Variants in UBE3A observed in about 807,000 individuals in gnomAD.
UBE3A encodes the protein ubiquitin-protein ligase E3A.
In UBE3A, 6 loss-of-function variants were observed where a neutral mutation model predicts 83.4. The ratio of observed to expected loss-of-function variants is 0.07; its 90% CI spans 0.04 to 0.14. The LOEUF is 0.14. Ranked by LOEUF, UBE3A falls within the 10% of genes least tolerant of loss-of-function variation. UBE3A has a pLI of 1.00. For missense variants in UBE3A, 456 were observed against 1,036.1 expected (o/e 0.44, Z 7.69); for synonymous variants, 337 against 355.4 (o/e 0.95, Z 0.58).
chr15:25,408,466 G>GA lies in UBE3A; in HGVS notation c.20+621dup, dbSNP rs371259150. 80 of 1,076,476 alleles carry GA rather than the reference G, an allele frequency of 7.4e-5. 1 individual carries two copies. The Middle Eastern group carries it at 1.0e-3, about 14-fold the overall frequency. 66.7% of individuals were successfully genotyped at this position (1,076,476 alleles called of 1,614,324 possible). On this transcript the variant is annotated intron_variant, in intron 3 of 12. Coordinates refer to ENST00000648336, the MANE Select transcript of UBE3A (RefSeq NM_130839.5). Reference sequence around the variant, plus strand: ...ATAACAAGTCAGAAATTTTAAAACTGAAACAATAACCAAATAACATTGGAT... The same window carrying GA: ...ATAACAAGTCAGAAATTTTAAAACTGAAAACAATAACCAAATAACATTGGAT...
chr15:25,368,888 G>A (rs141244885), intron 6 of UBE3A, among the ~76,000 whole-genome samples: 37 of 152,196 alleles, frequency 2.4e-4, no homozygotes, highest in African/African-American at 8.4e-4. Flanking sequence ...AGATAAGGAA[G>A]GTAGACAATT....
chr15:25,384,644 C>G (rs985794917), intron 4 of UBE3A, among the ~76,000 whole-genome samples: 3 of 151,034 alleles, frequency 2.0e-5, no homozygotes, highest in Non-Finnish European at 4.4e-5. Flanking sequence ...ATGGCATTTT[C>G]TACAGAAACA....
intron 9 of UBE3A, among the ~76,000 whole-genome samples, chr15:25,355,072 C>T (rs984945586): frequency 1.9e-4 from 29 of 152,124 alleles, no homozygotes; most frequent in Admixed American, 1.8e-3. Context: ...ATGCTGGAGA[C>T]GCAGAAAATT....
chr15:25,374,039 TAAC>T (rs2080771008), intron 5 of UBE3A: 1 of 152,166 alleles, frequency 6.6e-6, no homozygotes, highest in Non-Finnish European at 1.5e-5. Context: ...TAATTAGTGT[TAAC>T]AAACATAATT....
chr15:25,397,428 G>A (rs889629200), intron 4 of UBE3A, among the ~76,000 whole-genome samples: 7 of 152,016 alleles, frequency 4.6e-5, no homozygotes, highest in African/African-American at 1.5e-4. Flanking sequence ...TTCTAAACTT[G>A]ACTCATCCTC....
At chr15:25,347,995 G>A (rs946697245) in intron 11 of UBE3A, among the ~76,000 whole-genome samples, 2 of 151,834 alleles carry the variant, frequency 1.3e-5, no homozygotes, top group Admixed American at 1.3e-4. Context: ...AGCAACACAG[G>A]ATGAAAGTAA....
chr15:25,381,685 G>A (rs2082195616), intron 4 of UBE3A, among the ~76,000 whole-genome samples: 1 of 152,146 alleles, frequency 6.6e-6, no homozygotes, highest in African/African-American at 2.4e-5. Flanking sequence ...GAGTCTCTTT[G>A]TTCTGAGACG....
chr15:25,367,300 A>T (rs2079464317), intron 6 of UBE3A, among the ~76,000 whole-genome samples: 1 of 142,774 alleles, frequency 7.0e-6, no homozygotes, highest in African/African-American at 2.6e-5. Flanking sequence ...ATTAATTTAC[A>T]TATTAAATTA....
intron 2 of UBE3A, among the ~76,000 whole-genome samples, chr15:25,411,508 T>C (rs997092549): frequency 1.3e-5 from 2 of 152,100 alleles, no homozygotes; most frequent in Non-Finnish European, 2.9e-5. Context: ...GAGAATCACT[T>C]GAACCTGGGA....
chr15:25,363,139 T>A (rs760920512), intron 6 of UBE3A, among the ~76,000 whole-genome samples: 3 of 152,168 alleles, frequency 2.0e-5, no homozygotes, highest in Non-Finnish European at 4.4e-5. Context: ...TCTGTCCACT[T>A]CCACTGATCT....
chr15:25,355,841 C>CT (rs1566894212), intron 9 of UBE3A, 51 bp downstream of exon 9: 1 of 1,538,568 alleles, frequency 6.5e-7, no homozygotes, highest in Admixed American at 1.7e-5. Context: ...AGCATACATG[C>CT]TTTGAAAGTG....
At chr15:25,396,381 G>A (rs1424378842) in intron 4 of UBE3A, among the ~76,000 whole-genome samples, 4 of 152,068 alleles carry the variant, frequency 2.6e-5, no homozygotes, top group African/African-American at 9.7e-5. Flanking sequence ...AAGGCAGAAG[G>A]ATTACTTTGG....
At chr15:25,368,766 T>C (rs1046716028) in intron 6 of UBE3A, among the ~76,000 whole-genome samples, 3 of 152,112 alleles carry the variant, frequency 2.0e-5, no homozygotes, top group African/African-American at 7.2e-5. Context: ...ATTTAAAATA[T>C]AGAATAAAGT....
rs1380971043 is a variant in UBE3A, at chr15:25,367,219, ATTTACATATT to A, written c.1608+3337_1608+3346del. ...TTTACATATTTGTAAATATGTAAATATTTACATATTTGTAAATATGTAAATATTTGCATAT... is the reference window on the plus strand; with the variant it reads ...TTTACATATTTGTAAATATGTAAATATGTAAATATGTAAATATTTGCATAT... On this transcript the variant is annotated intron_variant, in intron 6 of 12. Transcript: ENST00000648336. Among the ~76,000 whole-genome samples, 15 of 74,136 alleles carry A rather than the reference ATTTACATATT, an allele frequency of 2.0e-4. 1 individual carries two copies. Among genetic ancestry groups the A allele is most frequent in the African/African-American group, 2.0e-3 (13 of 6,630 alleles). 48.6% of individuals were successfully genotyped at this position (74,136 alleles called of 152,430 possible). A position where few individuals can be genotyped will look rare whatever the true frequency, so the allele number is the denominator to read the frequency against.
intron 11 of UBE3A, among the ~76,000 whole-genome samples, chr15:25,347,706 AAAAC>A (rs541519871): frequency 1.2e-3 from 188 of 152,280 alleles, no homozygotes; most frequent in African/African-American, 4.1e-3. Flanking sequence ...TCTCGAAACA[AAAAC>A]AAACAAACAA....
rs1270375034 is a variant in UBE3A, at chr15:25,375,375, A to G, written c.361+90T>C. On this transcript the variant is annotated intron_variant, in intron 5 of 12. Coordinates refer to ENST00000648336, the MANE Select transcript of UBE3A (RefSeq NM_130839.5). The stretch of plus-strand genomic sequence containing the variant: ...TACGATATCAAAATGTCTTTATGTC[A>G]CAGAAGAAAAAACAAATAAAAACTA... 6.8e-6 allele frequency: 10 copies of G among 1,460,834 alleles called. No homozygotes were observed. In the East Asian group the frequency reaches 1.9e-4, roughly 28 times the overall value. The allele number at this position is 1,460,834 out of a possible 1,614,324, so 90.5% of individuals were successfully genotyped here. A position where few individuals can be genotyped will look rare whatever the true frequency, so the allele number is the denominator to read the frequency against.
chr15:25,407,336 G>A, intron 3 of UBE3A: 2 of 939,302 alleles, frequency 2.1e-6, no homozygotes, highest in South Asian at 3.3e-5. Flanking sequence ...CAGGGAAAGA[G>A]AAGAGAGGGA....
chr15:25,358,332 C>G (rs111965162), intron 7 of UBE3A, among the ~76,000 whole-genome samples: 4,785 of 151,912 alleles, frequency 0.031, 243 homozygotes, highest in African/African-American at 0.11. Flanking sequence ...TGAGCCGAGA[C>G]AGAACCACTA....
chr15:25,433,943 T>A (rs1183545084), intron 1 of UBE3A, among the ~76,000 whole-genome samples: 2 of 152,052 alleles, frequency 1.3e-5, no homozygotes, highest in Non-Finnish European at 2.9e-5. Context: ...CATGGTGGCA[T>A]ATGCTAATCC....
Sources: gnomAD v4.1 joint callset for allele counts (sites outside exome capture counted in the v4.1 genomes callset) on GRCh38, gnomAD v4.1.1 for gene constraint, MANE v1.5 for transcripts, NCBI Gene and HGNC (gene_info 2026-07-23, HGNC 2026-07-21) for gene names.